The following ARRDC5 variants were observed in gnomAD, a reference collection of about 807,000 sequenced individuals.
ARRDC5 encodes arrestin domain containing 5, also known as arrestin domain-containing protein 5.
Under a neutral mutation model 13.3 loss-of-function variants are expected in ARRDC5, and 12 were observed. The ratio of observed to expected loss-of-function variants is 0.90; its 90% CI spans 0.58 to 1.46. ARRDC5 has a LOEUF of 1.46. ARRDC5 is among the 40% of genes most tolerant of loss of function. The pLI is 0.00. For missense variants in ARRDC5, 406 were observed against 418.7 expected, an observed-to-expected ratio of 0.97 and a Z score of 0.26; for synonymous variants, 181 against 173.4, an observed-to-expected ratio of 1.04 and a Z score of -0.34.
At chr19:4,909,331 A>C in the ARRDC5 span, 8 of 579,994 alleles carry the variant, frequency 1.4e-5, no homozygotes, top group Non-Finnish European at 2.1e-5. Flanking sequence ...GGCTGGGCGG[A>C]GCCGTGGCCC....
the ARRDC5 span, among the ~76,000 whole-genome samples, chr19:4,914,676 C>T: frequency 6.7e-6 from 1 of 149,852 alleles, no homozygotes; most frequent in Non-Finnish European, 1.5e-5. Context: ...TTTTTGGCTG[C>T]ACATCAAAAT....
intron 2 of ARRDC5, among the ~76,000 whole-genome samples, 177 bp from the exon 3 acceptor site, chr19:4,891,750 T>A (rs149500253): frequency 6.6e-6 from 1 of 151,972 alleles, no homozygotes; most frequent in African/African-American, 2.4e-5. Flanking sequence ...ATGTCAGGAG[T>A]TCGAGACCAG....
the ARRDC5 span, among the ~76,000 whole-genome samples, chr19:4,908,238 G>A: frequency 3.3e-5 from 5 of 152,164 alleles, no homozygotes; most frequent in African/African-American, 9.7e-5. Context: ...GGGCGAGGAC[G>A]TGGGGGTCTA....
At chr19:4,910,831 G>A in the ARRDC5 span, 3 of 1,559,380 alleles carry the variant, frequency 1.9e-6, no homozygotes, top group East Asian at 2.3e-5. Flanking sequence ...ATGGCTCAGA[G>A]GTGCTGGTAA....
At chr19:4,909,221 T>G in the ARRDC5 span, 16 of 494,500 alleles carry the variant, frequency 3.2e-5, no homozygotes, top group Middle Eastern at 8.7e-4. Context: ...GTCTGTACCC[T>G]GGGGGTCCCC....
chr19:4,901,963 T>C (rs1455416802), intron 1 of ARRDC5, among the ~76,000 whole-genome samples: 1 of 152,152 alleles, frequency 6.6e-6, no homozygotes, highest in Non-Finnish European at 1.5e-5. Flanking sequence ...CTCAGCTTAC[T>C]GGAACCTCCC....
the ARRDC5 span, among the ~76,000 whole-genome samples, chr19:4,911,405 C>T: frequency 3.3e-5 from 5 of 152,126 alleles, no homozygotes; most frequent in Admixed American, 6.6e-5. Flanking sequence ...GTAGCTAGGA[C>T]GGAGGGGACC....
chr19:4,896,936 C>CTT (rs35308440), intron 1 of ARRDC5, 60 bp from the exon 2 acceptor site: 4,424 of 939,264 alleles, frequency 4.7e-3, no homozygotes, highest in Middle Eastern at 7.3e-3. Context: ...CCTTCTTCTT[C>CTT]TTTTTTTTTT....
chr19:4,900,385 T>A (rs2031878792), intron 1 of ARRDC5, among the ~76,000 whole-genome samples: 1 of 152,152 alleles, frequency 6.6e-6, no homozygotes, highest in Non-Finnish European at 1.5e-5. Context: ...CCCAAAGTGC[T>A]GGGATAACAC....
At chr19:4,894,722 AGAAGAAGAAGAG>A (rs1599211698) in intron 2 of ARRDC5, among the ~76,000 whole-genome samples, 1 of 140,468 alleles carries the variant, frequency 7.1e-6, no homozygotes, top group Non-Finnish European at 1.6e-5. Context: ...GAGAAGGAGA[AGAAGAAGAAGAG>A]GAAGAGGAAG....
chr19:4,901,918 G>A (rs1201316132), intron 1 of ARRDC5, among the ~76,000 whole-genome samples: 1 of 151,894 alleles, frequency 6.6e-6, no homozygotes, highest in Non-Finnish European at 1.5e-5. Context: ...AGGGAATCTC[G>A]CTCCGTCACC....
upstream of ARRDC5, among the ~76,000 whole-genome samples, chr19:4,906,037 C>T (rs917448251): frequency 7.2e-5 from 11 of 152,136 alleles, no homozygotes; most frequent in Non-Finnish European, 1.3e-4. Flanking sequence ...AGTGCAGTGG[C>T]GCAAGCATGG....
chr19:4,906,837 G>A (rs2032073777), upstream of ARRDC5, among the ~76,000 whole-genome samples: 1 of 152,214 alleles, frequency 6.6e-6, no homozygotes, highest in African/African-American at 2.4e-5. Context: ...ACAAACAGAT[G>A]ATGTGTTCTG....
upstream of ARRDC5, among the ~76,000 whole-genome samples, chr19:4,905,450 A>T (rs368429644): frequency 6.5e-5 from 9 of 139,320 alleles, no homozygotes; most frequent in East Asian, 2.2e-4. Context: ...ACATTATGAG[A>T]TTTTTTTGCA....
the ARRDC5 span, among the ~76,000 whole-genome samples, chr19:4,911,341 G>A: frequency 1.3e-4 from 20 of 152,268 alleles, no homozygotes; most frequent in Middle Eastern, 3.4e-3. Flanking sequence ...AGAAGTTTTG[G>A]AGGTGGCCGA....
chr19:4,896,405 C>CACACATATATAT (rs539564532), intron 2 of ARRDC5, among the ~76,000 whole-genome samples: 27 of 106,382 alleles, frequency 2.5e-4, no homozygotes, highest in Middle Eastern at 5.4e-3. Flanking sequence ...CACACACACA[C>CACACATATATAT]ATATATATAA....
chr19:4,901,098 C>T (rs917280117), intron 1 of ARRDC5, among the ~76,000 whole-genome samples: 7 of 152,006 alleles, frequency 4.6e-5, no homozygotes, highest in African/African-American at 1.7e-4. Flanking sequence ...GAGATTGCGC[C>T]ATTGCACTCC....
chr19:4,914,482 T>C, the ARRDC5 span, among the ~76,000 whole-genome samples: 1 of 151,124 alleles, frequency 6.6e-6, no homozygotes, highest in Admixed American at 6.6e-5. Context: ...CAGAACAGAG[T>C]TGGGTCTGTC....
the ARRDC5 span, chr19:4,909,071 C>T: frequency 6.1e-6 from 1 of 165,066 alleles, no homozygotes; most frequent in African/African-American, 2.4e-5. Context: ...TCGGGCGAGC[C>T]ATCAGGGTGC....
Sources: gnomAD v4.1 joint callset for allele counts (sites outside exome capture counted in the v4.1 genomes callset) on GRCh38, gnomAD v4.1.1 for gene constraint, MANE v1.5 for transcripts, NCBI Gene and HGNC (gene_info 2026-07-23, HGNC 2026-07-21) for gene names.